CAMK4: variants seen among roughly 807,000 people sequenced by gnomAD.
CAMK4 encodes the protein calcium/calmodulin dependent protein kinase IV.
CAMK4 carries 22 observed loss-of-function variants against 44.9 expected under a neutral mutation model. The observed-to-expected ratio is 0.49, with a 90% CI of 0.35 to 0.70. The LOEUF (loss-of-function observed/expected upper bound fraction) is 0.70, where lower values mean the gene tolerates loss of function less well. Among genes scored for constraint, CAMK4 ranks in the 30% least tolerant of loss-of-function variants. The pLI, the probability that CAMK4 is intolerant of heterozygous loss-of-function variation, is 0.01. For missense variants in CAMK4, 498 were observed against 586.8 expected (o/e 0.85, Z 1.56); for synonymous variants, 218 against 215.4 (o/e 1.01, Z -0.11).
intron 2 of CAMK4, among the ~76,000 whole-genome samples, chr5:111,353,787 T>G (rs1750212434): frequency 6.6e-6 from 1 of 152,092 alleles, no homozygotes; most frequent in Non-Finnish European, 1.5e-5. Flanking sequence ...AGGAATAAAT[T>G]TAAGGAGGTG....
chr5:111,269,832 G>C (rs1304631492), intron 1 of CAMK4: 3 of 152,244 alleles, frequency 2.0e-5, no homozygotes, highest in Admixed American at 6.5e-5. Flanking sequence ...GGCATGTAAA[G>C]CACTTCCTCA....
chr5:111,280,882 T>C (rs1174807792), intron 1 of CAMK4, among the ~76,000 whole-genome samples: 1 of 152,230 alleles, frequency 6.6e-6, no homozygotes, highest in Non-Finnish European at 1.5e-5. Flanking sequence ...TAATGGAATA[T>C]TAGCATTGGT....
At chr5:111,255,101 G>A (rs981603202) in intron 1 of CAMK4, among the ~76,000 whole-genome samples, 13 of 152,084 alleles carry the variant, frequency 8.5e-5, no homozygotes, top group Non-Finnish European at 4.4e-5. Flanking sequence ...GTTTAAACTG[G>A]GCTGTGTATC....
At chr5:111,345,887 G>T (rs1482905427) in intron 2 of CAMK4, among the ~76,000 whole-genome samples, 1 of 151,960 alleles carries the variant, frequency 6.6e-6, no homozygotes, top group Non-Finnish European at 1.5e-5. Context: ...GCATGTGAAC[G>T]AGAATGAAGT....
chr5:111,324,403 T>G (rs1023813664), intron 1 of CAMK4, among the ~76,000 whole-genome samples: 1 of 152,174 alleles, frequency 6.6e-6, no homozygotes, highest in South Asian at 2.1e-4. Flanking sequence ...TATATTTAGC[T>G]GATGATAAAA....
intron 2 of CAMK4, among the ~76,000 whole-genome samples, chr5:111,347,312 C>T (rs1482304450): frequency 1.3e-5 from 2 of 151,986 alleles, no homozygotes; most frequent in African/African-American, 4.8e-5. Context: ...CATTTTTCAT[C>T]TGGTGAGGGT....
At chr5:111,481,631 G>C (rs17133282) in intron 9 of CAMK4, among the ~76,000 whole-genome samples, 3,024 of 152,202 alleles carry the variant, frequency 0.02, 107 homozygotes, top group African/African-American at 0.068. Flanking sequence ...TTGCACATGA[G>C]CAGGCCAAGG....
intron 2 of CAMK4, among the ~76,000 whole-genome samples, chr5:111,370,306 A>G: frequency 6.6e-6 from 1 of 152,194 alleles, no homozygotes; most frequent in Non-Finnish European, 1.5e-5. Context: ...AAGAAATAGC[A>G]TTTTAATATG....
intron 5 of CAMK4, among the ~76,000 whole-genome samples, chr5:111,418,597 C>G (rs1240012211): frequency 6.6e-6 from 1 of 150,804 alleles, no homozygotes; most frequent in Non-Finnish European, 1.5e-5. Context: ...CCCACCTCCC[C>G]CCACCCCACA....
intron 2 of CAMK4, among the ~76,000 whole-genome samples, chr5:111,364,587 G>C (rs1015421024): frequency 6.6e-6 from 1 of 152,088 alleles, no homozygotes; most frequent in Non-Finnish European, 1.5e-5. Flanking sequence ...CTGAATCTAC[G>C]TGTCTTACAA....
intron 8 of CAMK4, 44 bp downstream of exon 8, chr5:111,473,430 T>A: frequency 7.8e-7 from 1 of 1,275,298 alleles, no homozygotes. Flanking sequence ...TTTACCTTGC[T>A]GTGACATTTT....
At chr5:111,379,982 T>C (rs576140484) in intron 4 of CAMK4, among the ~76,000 whole-genome samples, 1 of 152,234 alleles carries the variant, frequency 6.6e-6, no homozygotes, top group East Asian at 1.9e-4. Flanking sequence ...AAAACATAAA[T>C]AAATTTGCAC....
At chr5:111,454,816 C>G (rs1754362181) in intron 7 of CAMK4, among the ~76,000 whole-genome samples, 1 of 151,718 alleles carries the variant, frequency 6.6e-6, no homozygotes, top group South Asian at 2.1e-4. Flanking sequence ...AAAAGAAAAT[C>G]AAGTTGTTAG....
chr5:111,403,953 A>C (rs1752324071), intron 5 of CAMK4, among the ~76,000 whole-genome samples: 1 of 152,132 alleles, frequency 6.6e-6, no homozygotes, highest in East Asian at 1.9e-4. Context: ...AAAATCACTC[A>C]ATCTATAAAT....
intron 4 of CAMK4, among the ~76,000 whole-genome samples, chr5:111,379,597 T>TTATTATCCAA (rs1260268798): frequency 6.6e-6 from 1 of 152,164 alleles, no homozygotes; most frequent in African/African-American, 2.4e-5. Flanking sequence ...ACATTCTGCA[T>TTATTATCCAA]TATTATCCAA....
chr5:111,396,001 G>A (rs879815470), intron 5 of CAMK4, among the ~76,000 whole-genome samples: 9 of 152,094 alleles, frequency 5.9e-5, no homozygotes, highest in Non-Finnish European at 1.2e-4. Flanking sequence ...CACAGTGACA[G>A]AAGCACAGGT....
chr5:111,471,353 T>C (rs1402910885), intron 7 of CAMK4, among the ~76,000 whole-genome samples: 2 of 152,220 alleles, frequency 1.3e-5, no homozygotes, highest in Non-Finnish European at 2.9e-5. Context: ...TTCTCAAAAA[T>C]TGATGTGGAT....
rs1368293812 is a variant in CAMK4 at position 111,486,687 on chromosome 5, AG to A, written c.*2224del. On this transcript the variant is annotated 3_prime_UTR_variant, in exon 11 of 11. Coordinates refer to ENST00000282356, the MANE Select transcript of CAMK4 (RefSeq NM_001744.6). ...TGTTACATTATTTCAACACTAGAGT[AG>A]GGCGGACTGCATTGTTTGGCCCTGA... 2.0e-4 allele frequency: 30 copies of A among 152,296 alleles called. No individual in the cohort carries two copies. The highest frequency in any genetic ancestry group is 7.0e-4 in the African/African-American group (29 of 41,550). The allele number at this position is 152,296 out of a possible 1,614,324, so 9.4% of individuals were successfully genotyped here. A position where few individuals can be genotyped will look rare whatever the true frequency, so the allele number is the denominator to read the frequency against.
At position 111,346,482 on chromosome 5, in the gene CAMK4, T is replaced by TTATCTGTCTATCTATCTATC. The variant is rs148693533; in HGVS notation, c.240+2385_240+2386insGTCTATCTATCTATCTATCT. Among the ~76,000 whole-genome samples the TTATCTGTCTATCTATCTATC allele has an allele frequency of 4.9e-3, 736 of 150,032 alleles. 6 individuals carry two copies. Among genetic ancestry groups the TTATCTGTCTATCTATCTATC allele is most frequent in the Non-Finnish European group, 8.3e-3 (563 of 67,530 alleles). The stretch of plus-strand genomic sequence containing the variant: ...CCCTAAGCCCAAGAGGCTTGAAACT[T>TTATCTGTCTATCTATCTATC]TATCTATCTATCTATCTATCTATCT... On this transcript the variant is annotated intron_variant, in intron 2 of 10. Transcript: ENST00000282356.
Sources: allele counts gnomAD v4.1 joint callset (sites outside exome capture counted in the v4.1 genomes callset), GRCh38; gene constraint gnomAD v4.1.1; transcripts MANE v1.5; gene names NCBI Gene and HGNC (gene_info 2026-07-23, HGNC 2026-07-21).